The following CDH13 variants were observed in gnomAD, a reference collection of about 807,000 sequenced individuals.
The protein encoded by CDH13 is cadherin-13.
Under a neutral mutation model 63.8 loss-of-function variants are expected in CDH13, and 24 were observed. The ratio of observed to expected loss-of-function variants is 0.38; its 90% CI spans 0.27 to 0.53. CDH13 has a LOEUF of 0.53. Ranked by LOEUF, CDH13 falls within the 20% of genes least tolerant of loss-of-function variation. CDH13 has a pLI of 0.85. For missense variants in CDH13, 1,049 were observed against 903.1 expected, an observed-to-expected ratio of 1.16 and a Z score of -2.07; for synonymous variants, 503 against 355.3, an observed-to-expected ratio of 1.42 and a Z score of -4.67.
At chr16:83,757,695 T>C (rs571920104) in intron 11 of CDH13, among the ~76,000 whole-genome samples, 1 of 151,888 alleles carries the variant, frequency 6.6e-6, no homozygotes, top group African/African-American at 2.4e-5. Flanking sequence ...AAACACAAAT[T>C]ACCAACACTG....
At chr16:83,306,468 A>G in intron 5 of CDH13, among the ~76,000 whole-genome samples, 1 of 152,186 alleles carries the variant, frequency 6.6e-6, no homozygotes, top group Non-Finnish European at 1.5e-5. Flanking sequence ...GTTATAAAGC[A>G]GGATGCCCCT....
In CDH13 at chr16:83,795,005, T is replaced by C. The variant is rs1904275134; in HGVS notation, c.2135-18T>C. 1.9e-6 allele frequency: 3 copies of C among 1,593,734 alleles called. No homozygotes were observed. The highest frequency in any genetic ancestry group is 4.5e-5 in the East Asian group (2 of 44,408). ...AGTGGTGATATTCCCGACTTAACTCTGAACCCTCTCTATTCAGGTCTGTGA... is the reference window on the plus strand; with the variant it reads ...AGTGGTGATATTCCCGACTTAACTCCGAACCCTCTCTATTCAGGTCTGTGA... On this transcript the variant is annotated intron_variant, in intron 13 of 13. Coordinates refer to ENST00000567109, the MANE Select transcript of CDH13 (RefSeq NM_001257.5).
chr16:83,383,599 C>T (rs1366075563), intron 6 of CDH13, among the ~76,000 whole-genome samples: 1 of 152,142 alleles, frequency 6.6e-6, no homozygotes, highest in Non-Finnish European at 1.5e-5. Context: ...TTTTTTATAT[C>T]AGAATGGACT....
intron 2 of CDH13, among the ~76,000 whole-genome samples, chr16:82,875,599 C>G (rs925741450): frequency 2.6e-5 from 4 of 152,060 alleles, no homozygotes; most frequent in Admixed American, 6.6e-5. Context: ...CAGTAACATA[C>G]TTTTGTTAAA....
Position 83,591,498 on chromosome 16 carries a change from G to A in CDH13, c.961-10956G>A, listed in dbSNP as rs145033397. The stretch of plus-strand genomic sequence containing the variant: ...GAGTTCCTTGAAGGTAGGGCAGGAC[G>A]AGAAGGCCTCGAAGGTACTTTTGAG... On this transcript the variant is annotated intron_variant, in intron 7 of 13. Transcript: ENST00000567109. Among the ~76,000 whole-genome samples the A allele has an allele frequency of 5.3e-3, 801 of 152,304 alleles. 5 individuals carry two copies. Among genetic ancestry groups the A allele is most frequent in the African/African-American group, 0.019 (775 of 41,570 alleles).
At chr16:83,498,425 G>A (rs892860842) in intron 7 of CDH13, among the ~76,000 whole-genome samples, 2 of 152,184 alleles carry the variant, frequency 1.3e-5, no homozygotes, top group Admixed American at 1.3e-4. Flanking sequence ...TTTTCCTGAA[G>A]GTTTCTTCCA....
intron 4 of CDH13, among the ~76,000 whole-genome samples, chr16:83,152,347 A>T (rs2037019513): frequency 1.3e-5 from 2 of 152,240 alleles, no homozygotes; most frequent in South Asian, 4.1e-4. Flanking sequence ...TTCTCAAATA[A>T]TTTTTAAACA....
intron 1 of CDH13, among the ~76,000 whole-genome samples, chr16:82,672,906 C>A (rs890402516): frequency 6.6e-6 from 1 of 151,582 alleles, no homozygotes; most frequent in East Asian, 1.9e-4. Flanking sequence ...CTTCTACCTC[C>A]TGGGCTCAAA....
chr16:83,290,525 G>A (rs561324866), intron 5 of CDH13, among the ~76,000 whole-genome samples: 26 of 152,160 alleles, frequency 1.7e-4, no homozygotes, highest in African/African-American at 5.1e-4. Flanking sequence ...TGCCTTCCAC[G>A]GTGATTGTGA....
intron 4 of CDH13, among the ~76,000 whole-genome samples, chr16:83,157,738 TAAAAA>T (rs58336254): frequency 0.13 from 12,702 of 99,402 alleles, 629 homozygotes; most frequent in South Asian, 0.22. Flanking sequence ...ACTAGAAATA[TAAAAA>T]AAAAAAAAAA....
At chr16:82,889,131 GA>G (rs2040989768) in intron 2 of CDH13, among the ~76,000 whole-genome samples, 1 of 152,166 alleles carries the variant, frequency 6.6e-6, no homozygotes, top group Non-Finnish European at 1.5e-5. Flanking sequence ...TTCAATCACA[GA>G]AAATCATTCT....
At chr16:83,259,030 T>C (rs1906639332) in intron 5 of CDH13, among the ~76,000 whole-genome samples, 3 of 152,192 alleles carry the variant, frequency 2.0e-5, no homozygotes, top group Admixed American at 2.0e-4. Context: ...ATTGCCAGCC[T>C]TGTACTTAAA....
At chr16:82,714,930 C>T (rs2032254910) in intron 1 of CDH13, among the ~76,000 whole-genome samples, 1 of 118,638 alleles carries the variant, frequency 8.4e-6, no homozygotes, top group Admixed American at 1.1e-4. Context: ...CTTTTTGCCT[C>T]CAGAACTGTG....
At chr16:82,778,030 C>T (rs2035578456) in intron 1 of CDH13, among the ~76,000 whole-genome samples, 1 of 152,154 alleles carries the variant, frequency 6.6e-6, no homozygotes, top group Admixed American at 6.5e-5. Context: ...GCCTTCTATG[C>T]TTTAGAAGCG....
At chr16:82,923,019 A>G (rs1370560470) in intron 2 of CDH13, among the ~76,000 whole-genome samples, 3 of 152,164 alleles carry the variant, frequency 2.0e-5, no homozygotes, top group African/African-American at 4.8e-5. Context: ...AGCATCATGT[A>G]TTTTAGAAAG....
chr16:83,117,710 C>T (rs1214434209), intron 3 of CDH13, among the ~76,000 whole-genome samples: 1 of 152,162 alleles, frequency 6.6e-6, no homozygotes, highest in Non-Finnish European at 1.5e-5. Context: ...AATCTATTCT[C>T]TCGCTCCTTC....
In CDH13 at chr16:83,023,317, C is replaced by T. The variant is rs374847062; in HGVS notation, c.158-8693C>T. On this transcript the variant is annotated intron_variant, in intron 2 of 13. Transcript: ENST00000567109. ...TTTTCACTACCCCCCGACTCCACCC[C>T]GCCCTCCCAGGGTGTTCTAAGATTA... 1.5e-4 allele frequency among the ~76,000 whole-genome samples: 23 copies of T among 152,236 alleles called. No individual in the cohort carries two copies. The South Asian group carries it at 1.7e-3, about 11-fold the overall frequency.
chr16:83,628,640 G>A (rs1253186952), intron 8 of CDH13, among the ~76,000 whole-genome samples: 1 of 152,140 alleles, frequency 6.6e-6, no homozygotes, highest in African/African-American at 2.4e-5. Context: ...TTGCACATTT[G>A]CAGGCTGGAG....
At chr16:83,452,659 A>G (rs1225163160) in intron 6 of CDH13, among the ~76,000 whole-genome samples, 1 of 152,216 alleles carries the variant, frequency 6.6e-6, no homozygotes, top group Non-Finnish European at 1.5e-5. Context: ...GACAAACATG[A>G]TATTTAAAGA....
Sources: allele counts gnomAD v4.1 joint callset (sites outside exome capture counted in the v4.1 genomes callset), GRCh38; gene constraint gnomAD v4.1.1; transcripts MANE v1.5; gene names NCBI Gene and HGNC (gene_info 2026-07-23, HGNC 2026-07-21).